PDE1C: variants seen among roughly 807,000 people sequenced by gnomAD.
PDE1C encodes the protein phosphodiesterase 1C.
A neutral mutation model predicts 93.1 loss-of-function variants in PDE1C; 62 were observed. The ratio of observed to expected loss-of-function variants is 0.67; its 90% CI spans 0.54 to 0.82. The LOEUF (loss-of-function observed/expected upper bound fraction) is 0.82, where lower values mean the gene tolerates loss of function less well. PDE1C is among the 40% of genes least tolerant of loss of function. PDE1C has a pLI of 0.00. For synonymous variants in PDE1C, 325 were observed against 310.1 expected (o/e 1.05, Z -0.50); for missense variants, 742 against 884.6 (o/e 0.84, Z 2.04).
chr7:31,790,289 G>A, intron 16 of PDE1C: 1 of 1,585,572 alleles, frequency 6.3e-7, no homozygotes, highest in Non-Finnish European at 8.6e-7. Context: ...AAAGAAAAGT[G>A]TCAATGCTGC....
In PDE1C at chr7:32,057,578, G is replaced by A. The variant is rs184898224; in HGVS notation, c.102-5998C>T. Reference sequence around the variant, plus strand: ...AGGTTCCCCAAAGCTCTCCACGGCAGTGTCATAAAGTGGAAGCTTCTAGAC... The same window carrying A: ...AGGTTCCCCAAAGCTCTCCACGGCAATGTCATAAAGTGGAAGCTTCTAGAC... On this transcript the variant is annotated intron_variant, in intron 1 of 17. Transcript: ENST00000396191. 3.0e-4 allele frequency among the ~76,000 whole-genome samples: 45 copies of A among 152,322 alleles called. 1 individual carries two copies. The highest frequency in any genetic ancestry group is 9.9e-4 in the African/African-American group (41 of 41,580).
At chr7:31,918,106 TCAGA>T (rs767484906) in intron 2 of PDE1C, among the ~76,000 whole-genome samples, 152 of 152,290 alleles carry the variant, frequency 1.0e-3, no homozygotes, top group Non-Finnish European at 1.3e-3. Flanking sequence ...ATTTATTGTA[TCAGA>T]CAGATCAATT....
chr7:31,990,652 T>C (rs1042152993), intron 2 of PDE1C, among the ~76,000 whole-genome samples: 2 of 152,192 alleles, frequency 1.3e-5, no homozygotes, highest in African/African-American at 4.8e-5. Flanking sequence ...CAGTCACAGT[T>C]GCAACAGCAG....
chr7:32,319,294 G>A (rs1349042063), intron 1 of PDE1C, among the ~76,000 whole-genome samples: 1 of 152,194 alleles, frequency 6.6e-6, no homozygotes, highest in African/African-American at 2.4e-5. Context: ...CCCTTTCATG[G>A]CGGGCCTTCC....
At chr7:32,208,123 T>C (rs1476357651) in intron 2 of PDE1C, among the ~76,000 whole-genome samples, 2 of 152,250 alleles carry the variant, frequency 1.3e-5, no homozygotes, top group Admixed American at 1.3e-4. Flanking sequence ...ATTTCTAAAA[T>C]ATGAGCACTT....
the PDE1C span, among the ~76,000 whole-genome samples, chr7:31,737,594 G>C: frequency 1.3e-5 from 2 of 152,044 alleles, no homozygotes; most frequent in Admixed American, 1.3e-4. Context: ...CTGAGGTCAG[G>C]AGTTCGAGAC....
At chr7:32,413,718 T>C (rs1270496102) in intron 1 of PDE1C, among the ~76,000 whole-genome samples, 1 of 152,156 alleles carries the variant, frequency 6.6e-6, no homozygotes, top group East Asian at 1.9e-4. Flanking sequence ...TAAAAATGAT[T>C]AAAATAGTAA....
intron 3 of PDE1C, among the ~76,000 whole-genome samples, chr7:32,081,544 C>T (rs113363988): frequency 2.4e-4 from 36 of 152,338 alleles, no homozygotes; most frequent in African/African-American, 7.9e-4. Flanking sequence ...CTATTCTACA[C>T]AGAATTCAAC....
intron 1 of PDE1C, among the ~76,000 whole-genome samples, chr7:32,254,068 G>T (rs1006381417): frequency 6.6e-6 from 1 of 152,194 alleles, no homozygotes; most frequent in Non-Finnish European, 1.5e-5. Flanking sequence ...AGGGTCTCAT[G>T]CACCACTGAA....
At chr7:32,042,839 T>C (rs566936098) in intron 2 of PDE1C, among the ~76,000 whole-genome samples, 4 of 152,158 alleles carry the variant, frequency 2.6e-5, no homozygotes, top group Non-Finnish European at 5.9e-5. Context: ...TGACCTAGAC[T>C]TCCTCCTGGA....
At chr7:31,940,037 T>G (rs978781934) in intron 2 of PDE1C, among the ~76,000 whole-genome samples, 1 of 152,214 alleles carries the variant, frequency 6.6e-6, no homozygotes, top group Admixed American at 6.5e-5. Flanking sequence ...CAGCTCTGGC[T>G]GCACATTAGA....
At chr7:31,973,688 C>T (rs1368274519) in intron 2 of PDE1C, among the ~76,000 whole-genome samples, 2 of 152,112 alleles carry the variant, frequency 1.3e-5, no homozygotes, top group East Asian at 3.8e-4. Flanking sequence ...GGCTAAATAA[C>T]AAACTGAGAC....
intron 2 of PDE1C, among the ~76,000 whole-genome samples, chr7:32,188,214 T>TG (rs35087181): frequency 0.75 from 113,593 of 150,680 alleles, 43,263 homozygotes; most frequent in Non-Finnish European, 0.81. Context: ...TATATGAAAT[T>TG]GGGGGGGGAT....
the PDE1C span, among the ~76,000 whole-genome samples, chr7:31,619,383 C>T: frequency 6.6e-6 from 1 of 152,142 alleles, no homozygotes; most frequent in Non-Finnish European, 1.5e-5. Context: ...GTTGAATTTT[C>T]AATTCTTATT....
At chr7:32,387,497 C>T (rs1260313298) in intron 1 of PDE1C, among the ~76,000 whole-genome samples, 4 of 144,552 alleles carry the variant, frequency 2.8e-5, no homozygotes, top group Non-Finnish European at 6.1e-5. Flanking sequence ...GCTGGCCGGG[C>T]GGGGGGCTGA....
At chr7:32,288,153 T>C (rs1812115819) in intron 1 of PDE1C, among the ~76,000 whole-genome samples, 1 of 152,010 alleles carries the variant, frequency 6.6e-6, no homozygotes, top group South Asian at 2.1e-4. Context: ...GACTCCGTCT[T>C]AAAAAAACAA....
chr7:31,652,021 G>T, the PDE1C span: 1 of 1,602,808 alleles, frequency 6.2e-7, no homozygotes, highest in Non-Finnish European at 8.5e-7. Flanking sequence ...AGGAGACCGG[G>T]CTCAGCAAAT....
intron 2 of PDE1C, among the ~76,000 whole-genome samples, chr7:31,910,665 T>C (rs950161880): frequency 5.9e-5 from 9 of 152,220 alleles, no homozygotes; most frequent in Non-Finnish European, 1.0e-4. Context: ...GATGAGTCCA[T>C]GGCCTCTAAA....
At chr7:32,129,728 CATAA>C (rs1263681259) in intron 3 of PDE1C, among the ~76,000 whole-genome samples, 3 of 151,956 alleles carry the variant, frequency 2.0e-5, no homozygotes, top group Non-Finnish European at 2.9e-5. Context: ...TGAAAAAACA[CATAA>C]ATAGTCTTCT....
Sources: gnomAD v4.1 joint callset for allele counts (sites outside exome capture counted in the v4.1 genomes callset) on GRCh38, gnomAD v4.1.1 for gene constraint, MANE v1.5 for transcripts, NCBI Gene and HGNC (gene_info 2026-07-23, HGNC 2026-07-21) for gene names.